The following AP2B1 variants were observed in gnomAD, a reference collection of about 807,000 sequenced individuals.
AP2B1 encodes the protein AP-2 complex subunit beta.
A neutral mutation model predicts 102.0 loss-of-function variants in AP2B1; 23 were observed. That is an observed-to-expected ratio of 0.23 (90% CI 0.16 to 0.32). The LOEUF (loss-of-function observed/expected upper bound fraction) is 0.32. Among genes scored for constraint, AP2B1 ranks in the 10% least tolerant of loss-of-function variants. AP2B1 has a pLI of 1.00. For synonymous variants in AP2B1, 381 were observed against 421.2 expected (o/e 0.90, Z 1.17); for missense variants, 541 against 1,157.4 (o/e 0.47, Z 7.73).
chr17:35,627,813 T>C lies in AP2B1; in HGVS notation c.1155+87T>C, dbSNP rs1006479202. The C allele has an allele frequency of 1.8e-5, 20 of 1,137,810 alleles. 1 individual carries two copies. Among genetic ancestry groups the C allele is most frequent in the Middle Eastern group, 5.7e-4 (2 of 3,506 alleles). 70.5% of individuals were successfully genotyped at this position (1,137,810 alleles called of 1,614,324 possible). A position where few individuals can be genotyped will look rare whatever the true frequency, so the allele number is the denominator to read the frequency against. On this transcript the variant is annotated intron_variant, in intron 9 of 21. Transcript: ENST00000610402. ...TTCTTTAAAATAATTTTTAAGTTTA[T>C]CAAAATAATAAAGCACACAGTTTCA...
At chr17:35,710,433 C>T (rs1404725505) in intron 20 of AP2B1, 113 bp downstream of exon 20, 1 of 714,668 alleles carries the variant, frequency 1.4e-6, no homozygotes, top group African/African-American at 1.8e-5. Context: ...TACTATGTTT[C>T]TAGTGGGTAT....
At chr17:35,661,191 A>G (rs1412091207) in intron 14 of AP2B1, among the ~76,000 whole-genome samples, 1 of 152,150 alleles carries the variant, frequency 6.6e-6, no homozygotes, top group Non-Finnish European at 1.5e-5. Flanking sequence ...TTGGTCCCAC[A>G]TAATTACCAG....
At chr17:35,713,980 G>A (rs1315451682) in intron 20 of AP2B1, among the ~76,000 whole-genome samples, 1 of 152,136 alleles carries the variant, frequency 6.6e-6, no homozygotes, top group Non-Finnish European at 1.5e-5. Context: ...TAGGTATCTG[G>A]GACTACTGTC....
At chr17:35,684,136 G>A (rs587763717) in intron 18 of AP2B1, among the ~76,000 whole-genome samples, 1 of 152,202 alleles carries the variant, frequency 6.6e-6, no homozygotes, top group East Asian at 1.9e-4. Context: ...GGGCCTTCAA[G>A]ACCCCCAGCT....
In AP2B1 at chr17:35,710,174, G is replaced by A. The variant is rs1331740630; in HGVS notation, c.2540-60G>A. On this transcript the variant is annotated intron_variant, in intron 19 of 21. Transcript: ENST00000610402. Reference sequence around the variant, plus strand: ...CAAAGGAAAAATGATGCAAGGCATCGAAAATCAGAATACTGACAGCTTATG... The same window carrying A: ...CAAAGGAAAAATGATGCAAGGCATCAAAAATCAGAATACTGACAGCTTATG... 10 of 1,269,352 alleles carry A rather than the reference G, an allele frequency of 7.9e-6. 1 individual carries two copies. The highest frequency in any genetic ancestry group is 2.4e-5 in the East Asian group (1 of 42,480). 78.6% of individuals were successfully genotyped at this position (1,269,352 alleles called of 1,614,324 possible). A position where few individuals can be genotyped will look rare whatever the true frequency, so the allele number is the denominator to read the frequency against.
intron 5 of AP2B1, among the ~76,000 whole-genome samples, chr17:35,610,097 A>G (rs772269526): frequency 7.9e-5 from 12 of 151,628 alleles, no homozygotes; most frequent in Non-Finnish European, 1.6e-4. Flanking sequence ...AGAAGATTCA[A>G]CCCTGCCTTT....
chr17:35,649,874 C>T (rs2075042060), intron 12 of AP2B1, among the ~76,000 whole-genome samples: 2 of 152,058 alleles, frequency 1.3e-5, no homozygotes, highest in Admixed American at 1.3e-4. Context: ...TGATCCTCCT[C>T]CCTCAGTTTC....
chr17:35,627,121 G>A (rs564491142), intron 7 of AP2B1, among the ~76,000 whole-genome samples: 1 of 151,712 alleles, frequency 6.6e-6, no homozygotes, highest in African/African-American at 2.4e-5. Context: ...TCAGGCTGTA[G>A]TTTAGAGCCA....
At position 35,625,619 on chromosome 17, in the gene AP2B1, G is replaced by A. The variant is rs118005806; in HGVS notation, c.717-1002G>A. On this transcript the variant is annotated intron_variant, in intron 6 of 21. Transcript: ENST00000610402. ...CCCTCTGGGATCACTTATTCTGAAG[G>A]ATGGGGGTAGGAATATATATAATAT... is the stretch of plus-strand genomic sequence containing the variant. Among the ~76,000 whole-genome samples the A allele has an allele frequency of 7.5e-4, 114 of 151,896 alleles. 1 individual carries two copies. The East Asian group carries it at 0.02, about 26-fold the overall frequency.
At chr17:35,601,411 C>A (rs897055348) in intron 3 of AP2B1, among the ~76,000 whole-genome samples, 1 of 152,168 alleles carries the variant, frequency 6.6e-6, no homozygotes, top group African/African-American at 2.4e-5. Flanking sequence ...CCCACTGCAG[C>A]CTCTGCCTCC....
intron 5 of AP2B1, among the ~76,000 whole-genome samples, chr17:35,616,415 G>A (rs554519334): frequency 4.0e-5 from 6 of 151,896 alleles, no homozygotes; most frequent in East Asian, 1.9e-4. Context: ...TGATCCGCCC[G>A]CCTCGGCCTC....
chr17:35,606,586 G>A (rs2073683255), intron 4 of AP2B1, among the ~76,000 whole-genome samples: 1 of 151,930 alleles, frequency 6.6e-6, no homozygotes, highest in African/African-American at 2.4e-5. Context: ...TCAAGAAAAA[G>A]GACTAGTATA....
At chr17:35,682,334 C>CTTTTTTTTT (rs587645888) in intron 17 of AP2B1, among the ~76,000 whole-genome samples, 2 of 72,052 alleles carry the variant, frequency 2.8e-5, no homozygotes, top group African/African-American at 5.9e-5. Flanking sequence ...AATCCTGCCT[C>CTTTTTTTTT]TTTTTTTTTT....
chr17:35,617,132 T>G (rs376004516), intron 5 of AP2B1, among the ~76,000 whole-genome samples: 4 of 152,328 alleles, frequency 2.6e-5, no homozygotes, highest in African/African-American at 9.6e-5. Flanking sequence ...CTCGGCTTAC[T>G]GCAACCTCCA....
At chr17:35,712,946 TTTCAGACATG>T (rs1450068443) in intron 20 of AP2B1, among the ~76,000 whole-genome samples, 1 of 152,216 alleles carries the variant, frequency 6.6e-6, no homozygotes, top group Non-Finnish European at 1.5e-5. Context: ...GCAGGTTTTG[TTTCAGACATG>T]TTCAGTATGA....
At chr17:35,588,370 G>C (rs1196357349) in intron 1 of AP2B1, among the ~76,000 whole-genome samples, 1 of 152,064 alleles carries the variant, frequency 6.6e-6, no homozygotes, top group African/African-American at 2.4e-5. Context: ...TCGAACTCCT[G>C]GGCCCAAGCG....
At chr17:35,720,866 C>T (rs1712673909) in intron 21 of AP2B1, among the ~76,000 whole-genome samples, 1 of 151,876 alleles carries the variant, frequency 6.6e-6, no homozygotes, top group African/African-American at 2.4e-5. Context: ...ACAAATAGGT[C>T]TAATTTGTTC....
intron 18 of AP2B1, among the ~76,000 whole-genome samples, chr17:35,708,448 A>AAC (rs1568032877): frequency 6.6e-6 from 1 of 152,126 alleles, no homozygotes; most frequent in African/African-American, 2.4e-5. Context: ...TTAAAAAAAA[A>AAC]AAACAAACAA....
chr17:35,699,704 C>T (rs1240330192), intron 18 of AP2B1, among the ~76,000 whole-genome samples: 1 of 152,182 alleles, frequency 6.6e-6, no homozygotes, highest in Non-Finnish European at 1.5e-5. Context: ...ATAGACCTTT[C>T]TGTTTTGTCA....
Sources: allele counts gnomAD v4.1 joint callset (sites outside exome capture counted in the v4.1 genomes callset), GRCh38; gene constraint gnomAD v4.1.1; transcripts MANE v1.5; gene names NCBI Gene and HGNC (gene_info 2026-07-23, HGNC 2026-07-21).